Variants in PDE7B observed in about 807,000 individuals in gnomAD.
PDE7B encodes the protein 3',5'-cyclic-AMP phosphodiesterase 7B.
In PDE7B, 29 loss-of-function variants were observed where a neutral mutation model predicts 56.2. That is an observed-to-expected ratio of 0.52 (90% CI 0.38 to 0.70). The LOEUF (loss-of-function observed/expected upper bound fraction) is 0.70, where lower values mean the gene tolerates loss of function less well. PDE7B is among the 30% of genes least tolerant of loss of function. PDE7B has a pLI of 0.00. For missense variants in PDE7B, 490 were observed against 565.0 expected, an observed-to-expected ratio of 0.87 and a Z score of 1.35; for synonymous variants, 197 against 196.9, an observed-to-expected ratio of 1.00 and a Z score of 0.00.
At chr6:136,171,165 T>C (rs928959603) in intron 8 of PDE7B, among the ~76,000 whole-genome samples, 1 of 152,108 alleles carries the variant, frequency 6.6e-6, no homozygotes, top group Non-Finnish European at 1.5e-5. Flanking sequence ...ATTTAAATGG[T>C]TAATTGTTCA....
chr6:136,141,723 A>G (rs1018480043), intron 3 of PDE7B, among the ~76,000 whole-genome samples: 1 of 152,108 alleles, frequency 6.6e-6, no homozygotes, highest in African/African-American at 2.4e-5. Flanking sequence ...GAATTTATCC[A>G]TTTCTTCTAG....
chr6:135,896,654 G>T (rs141563547), intron 1 of PDE7B, among the ~76,000 whole-genome samples: 14 of 152,048 alleles, frequency 9.2e-5, no homozygotes, highest in Admixed American at 6.6e-5. Flanking sequence ...AAAAGGAGAC[G>T]CAGAGAGGTT....
At chr6:136,089,719 A>C (rs1777354592) in intron 2 of PDE7B, among the ~76,000 whole-genome samples, 1 of 152,252 alleles carries the variant, frequency 6.6e-6, no homozygotes, top group South Asian at 2.1e-4. Context: ...GTGGAAAAAC[A>C]TACACTTGGA....
intron 3 of PDE7B, among the ~76,000 whole-genome samples, chr6:136,132,659 T>G (rs1778137702): frequency 6.6e-6 from 1 of 152,160 alleles, no homozygotes; most frequent in South Asian, 2.1e-4. Context: ...AACCCTAGCC[T>G]CGTATGGATT....
At chr6:136,024,949 G>A (rs892627463) in intron 2 of PDE7B, among the ~76,000 whole-genome samples, 10 of 152,096 alleles carry the variant, frequency 6.6e-5, no homozygotes, top group African/African-American at 1.4e-4. Context: ...TGTTTTCTAC[G>A]ACCAATCTGT....
Position 136,169,281 on chromosome 6 carries a change from G to A in PDE7B, c.712-4516G>A, listed in dbSNP as rs941147955. Among the ~76,000 whole-genome samples the A allele has an allele frequency of 3.2e-4, 48 of 151,976 alleles. 1 individual carries two copies. Among genetic ancestry groups the A allele is most frequent in the African/African-American group, 1.1e-3 (47 of 41,358 alleles). ...ACCATGGTGCCCCTATTTCCACCGC[G>A]GTTCTGGCCAAAACATGCTTTCATG... is the stretch of plus-strand genomic sequence containing the variant. On this transcript the variant is annotated intron_variant, in intron 8 of 12. Transcript: ENST00000308191.
chr6:135,857,944 T>C (rs541608827), intron 1 of PDE7B, among the ~76,000 whole-genome samples: 1 of 152,060 alleles, frequency 6.6e-6, no homozygotes, highest in East Asian at 1.9e-4. Flanking sequence ...GAACTTGGAG[T>C]ATGGGATAGG....
At chr6:135,963,364 G>A (rs1774941020) in intron 2 of PDE7B, among the ~76,000 whole-genome samples, 1 of 152,220 alleles carries the variant, frequency 6.6e-6, no homozygotes, top group Non-Finnish European at 1.5e-5. Context: ...AGGGAATAAA[G>A]GTACAGTTAT....
At chr6:135,947,355 G>A (rs891797552) in intron 1 of PDE7B, 109 bp from the exon 2 acceptor site, 6 of 873,750 alleles carry the variant, frequency 6.9e-6, no homozygotes, top group Non-Finnish European at 9.4e-6. Flanking sequence ...GGTAACCAAT[G>A]AAAACAAAAG....
intron 2 of PDE7B, chr6:136,012,518 A>C (rs1583828186): frequency 6.6e-6 from 1 of 152,358 alleles, no homozygotes; most frequent in African/African-American, 2.4e-5. Flanking sequence ...AAAGTTAAGG[A>C]ACGAGGAATA....
chr6:136,097,470 T>TC lies in PDE7B; in HGVS notation c.83-11258dup, dbSNP rs1325184920. Among the ~76,000 whole-genome samples, 5 of 152,136 alleles carry TC rather than the reference T, an allele frequency of 3.3e-5. No homozygotes were observed. In the East Asian group the frequency reaches 7.7e-4, roughly 23 times the overall value. On this transcript the variant is annotated intron_variant, in intron 2 of 12. Coordinates refer to ENST00000308191, the MANE Select transcript of PDE7B (RefSeq NM_018945.4). ...TACACATCTCTAAAACCTATTCACTTCCCTCTCCCAGCATCAGCACCCTAC... is the reference window on the plus strand; with the variant it reads ...TACACATCTCTAAAACCTATTCACTTCCCCTCTCCCAGCATCAGCACCCTAC...
intron 2 of PDE7B, among the ~76,000 whole-genome samples, chr6:135,980,244 G>A (rs1489937951): frequency 7.1e-4 from 108 of 152,122 alleles, no homozygotes; most frequent in Admixed American, 2.7e-3. Flanking sequence ...CCATATGTAG[G>A]AAGCTGAAAC....
At chr6:136,068,377 A>C (rs1356031248) in intron 2 of PDE7B, among the ~76,000 whole-genome samples, 1 of 151,150 alleles carries the variant, frequency 6.6e-6, no homozygotes, top group African/African-American at 2.4e-5. Context: ...GAATCAATAG[A>C]AGGGAGTGCC....
At chr6:136,068,454 G>T (rs1321825858) in intron 2 of PDE7B, among the ~76,000 whole-genome samples, 1 of 133,254 alleles carries the variant, frequency 7.5e-6, no homozygotes, top group Non-Finnish European at 1.6e-5. Context: ...TTTTTGAGAC[G>T]GAGTCTCGCT....
chr6:136,045,728 C>T (rs947961228), intron 2 of PDE7B, among the ~76,000 whole-genome samples: 2 of 151,922 alleles, frequency 1.3e-5, no homozygotes, highest in South Asian at 2.1e-4. Context: ...CAAGAGAGAC[C>T]GAGTCGCAGT....
At chr6:136,110,668 G>A (rs1042085853) in intron 3 of PDE7B, among the ~76,000 whole-genome samples, 3 of 151,216 alleles carry the variant, frequency 2.0e-5, no homozygotes, top group Non-Finnish European at 4.4e-5. Flanking sequence ...TTTGCAGGTG[G>A]GACAGTGGAA....
intron 1 of PDE7B, among the ~76,000 whole-genome samples, chr6:135,918,473 A>G (rs1385143576): frequency 6.6e-6 from 1 of 152,194 alleles, no homozygotes; most frequent in Admixed American, 6.5e-5. Context: ...CATTTTCTTT[A>G]TCTTTCACAT....
intron 2 of PDE7B, among the ~76,000 whole-genome samples, chr6:136,027,601 T>C (rs1776175598): frequency 6.6e-6 from 1 of 152,080 alleles, no homozygotes; most frequent in Non-Finnish European, 1.5e-5. Flanking sequence ...TGAAAAAAAT[T>C]GGTTATCATT....
At chr6:136,096,161 G>C (rs1301572484) in intron 2 of PDE7B, 1 of 152,282 alleles carries the variant, frequency 6.6e-6, no homozygotes, top group Non-Finnish European at 1.5e-5. Context: ...TGTGGTGGTT[G>C]ACTGGTCCTT....
Sources: gnomAD v4.1 joint callset for allele counts (sites outside exome capture counted in the v4.1 genomes callset) on GRCh38, gnomAD v4.1.1 for gene constraint, MANE v1.5 for transcripts, NCBI Gene and HGNC (gene_info 2026-07-23, HGNC 2026-07-21) for gene names.